Variants in TEP1 observed in about 807,000 individuals in gnomAD.
The protein encoded by TEP1 is telomerase protein component 1.
In TEP1, 241 loss-of-function variants were observed where a neutral mutation model predicts 306.3. The observed-to-expected ratio is 0.79, with a 90% CI of 0.71 to 0.88. The LOEUF is 0.88. Ranked by LOEUF, TEP1 falls within the 40% of genes least tolerant of loss-of-function variation. TEP1 has a pLI of 0.00. For missense variants in TEP1, 3,051 were observed against 3,276.1 expected, an observed-to-expected ratio of 0.93 and a Z score of 1.68; for synonymous variants, 1,289 against 1,305.5, an observed-to-expected ratio of 0.99 and a Z score of 0.27.
chr14:20,384,349 A>G (rs762071558), intron 23 of TEP1, 42 bp downstream of exon 23: 10 of 1,612,258 alleles, frequency 6.2e-6, no homozygotes, highest in Non-Finnish European at 8.5e-6. Flanking sequence ...AGACCACCCC[A>G]TGTCCCTCTC....
intron 1 of TEP1, among the ~76,000 whole-genome samples, chr14:20,409,765 A>G (rs1351889895): frequency 6.6e-6 from 1 of 152,150 alleles, no homozygotes; most frequent in Non-Finnish European, 1.5e-5. Flanking sequence ...TCACGCCTGT[A>G]ATCCCAGCAC....
chr14:20,384,949 G>C (rs1876994329), intron 21 of TEP1, 36 bp downstream of exon 21: 5 of 1,613,838 alleles, frequency 3.1e-6, no homozygotes, highest in South Asian at 1.1e-5. Context: ...TGGCCTTTTG[G>C]GGAAGGAGCC....
chr14:20,398,202 AC>A (rs1347507870), intron 9 of TEP1, among the ~76,000 whole-genome samples: 2 of 150,822 alleles, frequency 1.3e-5, no homozygotes, highest in Non-Finnish European at 3.0e-5. Flanking sequence ...ACACGGTGAA[AC>A]CCCATCTCTA....
intron 3 of TEP1, 59 bp downstream of exon 3, chr14:20,406,174 C>T (rs1879161485): frequency 1.9e-6 from 3 of 1,581,916 alleles, no homozygotes; most frequent in South Asian, 1.1e-5. Context: ...TTCAAGTACT[C>T]CACCACCAAC....
chr14:20,407,861 T>C lies in TEP1; in HGVS notation c.567+12A>G. ...CATGGCTGGAGTCAAGATGAGTGCC[T>C]GGAGCTATTACCAAAGTTGCTTCCT... is the stretch of plus-strand genomic sequence containing the variant. On this transcript the variant is annotated intron_variant, in intron 2 of 54. Coordinates refer to ENST00000262715, the MANE Select transcript of TEP1 (RefSeq NM_007110.5). 1 of 1,576,824 alleles carries C rather than the reference T, an allele frequency of 6.3e-7. No homozygotes were observed. The highest frequency in any genetic ancestry group is 8.6e-7 in the Non-Finnish European group (1 of 1,160,918).
In TEP1 at chr14:20,375,777, G is replaced by A. The variant is rs777176655; in HGVS notation, c.6341C>T (p.Ala2114Val). The A allele has an allele frequency of 6.2e-7, 1 of 1,613,336 alleles. No individual in the cohort carries two copies. Among genetic ancestry groups the A allele is most frequent in the Non-Finnish European group, 8.5e-7 (1 of 1,179,756 alleles). Residue 2114 changes from alanine to valine, a missense_variant, in exon 43 of 55, where the codon GCC becomes GTC. By Grantham distance (64) the Ala-to-Val change is moderately conservative (BLOSUM62 0). Around this residue, in one of 3 missense-constraint regions of TEP1, gnomAD observed 1,540 missense variants for 1,705.9 expected, o/e 0.90. Transcript: ENST00000262715. ...ACHRDWVTGC[A>V]WTKDNLLISC... ...CACCAGTAGGTTATCTTTGGTCCAG[G>A]CACAGCCAGTGACCCAGTCACGGTG...
At chr14:20,401,333 C>A in intron 8 of TEP1, 124 bp downstream of exon 8, 1 of 1,445,448 alleles carries the variant, frequency 6.9e-7, no homozygotes. Flanking sequence ...GCAGTCATGT[C>A]TACAGGGCAT....
chr14:20,392,799 A>G (rs1877829702), intron 12 of TEP1, among the ~76,000 whole-genome samples: 1 of 152,276 alleles, frequency 6.6e-6, no homozygotes. Flanking sequence ...TTCTCATTGT[A>G]TAAAAAATGT....
intron 16 of TEP1, 60 bp from the exon 17 acceptor site, chr14:20,389,357 C>T (rs942443855): frequency 6.3e-7 from 1 of 1,575,944 alleles, no homozygotes; most frequent in East Asian, 2.2e-5. Flanking sequence ...ACAGTCACTG[C>T]CCACTAACAT....
rs1566454412 is a variant in TEP1 at position 20,382,369 on chromosome 14, G to A, written c.4141-13C>T. ...GTCTCTCAGACACCTAGGATGGCGG[G>A]AGGACAGCCTTGTTCAGTGCAGTGG... On this transcript the variant is annotated splice_polypyrimidine_tract_variant and intron_variant, in intron 28 of 54. Coordinates refer to ENST00000262715, the MANE Select transcript of TEP1 (RefSeq NM_007110.5). 1 of 1,600,356 alleles carries A rather than the reference G, an allele frequency of 6.2e-7. No homozygotes were observed. Among genetic ancestry groups the A allele is most frequent in the Non-Finnish European group, 8.5e-7 (1 of 1,173,276 alleles).
chr14:20,389,877 G>A, intron 15 of TEP1, 137 bp from the exon 16 acceptor site: 2 of 1,162,450 alleles, frequency 1.7e-6, no homozygotes, highest in Admixed American at 2.7e-5. Context: ...ATAGAATGAG[G>A]GAAGCCACTG....
At chr14:20,396,164 C>T (rs938494134) in intron 10 of TEP1, among the ~76,000 whole-genome samples, 1 of 152,164 alleles carries the variant, frequency 6.6e-6, no homozygotes, top group Non-Finnish European at 1.5e-5. Context: ...GAAGGAGCCC[C>T]GTTTCTTTTA....
chr14:20,381,656 A>T lies in TEP1; in HGVS notation c.4455T>A (p.Pro1485=). ...SLLGEGPLER[P]GARLCLPDGP... is the part of the protein sequence containing the mutation. The stretch of plus-strand genomic sequence containing the variant: ...CATCAGGGAGGCACAGCCGGGCACC[A>T]GGGCGCTCCAGAGGGCCCTCCCCTA... The change falls in exon 31 of 55, where the codon CCT becomes CCA. Residue 1485 remains proline, a synonymous_variant. Coordinates refer to ENST00000262715, the MANE Select transcript of TEP1 (RefSeq NM_007110.5). The surrounding 1 kb of genome is among the most constrained non-coding windows in gnomAD (Gnocchi z 4.0). 6.2e-6 allele frequency: 10 copies of T among 1,612,348 alleles called. No homozygotes were observed. The highest frequency in any genetic ancestry group is 8.5e-6 in the Non-Finnish European group (10 of 1,179,262).
In TEP1 at chr14:20,367,670, G is replaced by GGC. The variant is rs1884554470; in HGVS notation, c.*766_*767insGC. The GGC allele has an allele frequency of 6.6e-6, 1 of 152,228 alleles. No homozygotes were observed. Among genetic ancestry groups the GGC allele is most frequent in the Non-Finnish European group, 1.5e-5 (1 of 68,646 alleles). 9.4% of individuals were successfully genotyped at this position (152,228 alleles called of 1,614,324 possible). ...TCTGTTGCCCAGGCTGGAGTGCAGT[G>GGC]GTGTCTCGGCTCACTGCAAGCTCCG... On this transcript the variant is annotated 3_prime_UTR_variant, in exon 55 of 55. Transcript: ENST00000262715.
At chr14:20,389,334 C>A (rs776512569) in intron 16 of TEP1, 37 bp from the exon 17 acceptor site, 7 of 1,608,750 alleles carry the variant, frequency 4.4e-6, no homozygotes, top group Non-Finnish European at 6.0e-6. Context: ...CCATCACAAA[C>A]AATACCTGGA....
intron 33 of TEP1, 137 bp from the exon 34 acceptor site, chr14:20,380,612 TA>T: frequency 3.7e-6 from 5 of 1,358,948 alleles, no homozygotes; most frequent in African/African-American, 1.5e-5. Flanking sequence ...GAATATCTCT[TA>T]AAAGTACAAA....
At position 20,384,105 on chromosome 14, in the gene TEP1, A is replaced by C; in HGVS notation, c.3467T>G (p.Leu1156Arg). Residue 1156 changes from leucine to arginine, a missense_variant, in exon 24 of 55, where the codon CTG becomes CGG. This residue lies in a region of TEP1 where 1,507 missense variants were observed against 1,550.5 expected (regional missense o/e 0.97). Coordinates refer to ENST00000262715, the MANE Select transcript of TEP1 (RefSeq NM_007110.5). The part of the protein sequence containing the change: ...PRLLQDTVQR[L>R]MLPHGRLSLV... ...GCTCAGCCTTCCGTGGGGCAGCATC[A>C]GCCGTTGCACTGTGTCCTGAAGAAG... 1 of 1,614,000 alleles carries C rather than the reference A, an allele frequency of 6.2e-7. No homozygotes were observed. The highest frequency in any genetic ancestry group is 1.1e-5 in the South Asian group (1 of 91,084).
At chr14:20,387,551 C>CAAAAAAAAAAAAAAAAAAAAAAAAAAA (rs34816712) in intron 18 of TEP1, among the ~76,000 whole-genome samples, 15 of 127,688 alleles carry the variant, frequency 1.2e-4, no homozygotes, top group South Asian at 2.8e-4. Context: ...GACTCCGTCT[C>CAAAAAAAAAAAAAAAAAAAAAAAAAAA]AAAAAAAAAA....
At chr14:20,410,291 T>G (rs1879548913) in intron 1 of TEP1, among the ~76,000 whole-genome samples, 1 of 152,094 alleles carries the variant, frequency 6.6e-6, no homozygotes, top group Non-Finnish European at 1.5e-5. Flanking sequence ...GGTGACATAC[T>G]GTATATAGAT....
Sources: allele counts gnomAD v4.1 joint callset (sites outside exome capture counted in the v4.1 genomes callset), GRCh38; gene constraint gnomAD v4.1.1; regional missense constraint gnomAD v4.1.1; non-coding constraint Gnocchi (gnomAD v3.1); transcripts MANE v1.5; gene names NCBI Gene and HGNC (gene_info 2026-07-23, HGNC 2026-07-21).